Variants in PROS1 observed in about 807,000 individuals in gnomAD.
PROS1 encodes the protein protein S.
In PROS1, 29 loss-of-function variants were observed where a neutral mutation model predicts 75.9. The observed-to-expected ratio is 0.38, with a 90% CI of 0.28 to 0.52. The LOEUF is 0.52. Among genes scored for constraint, PROS1 ranks in the 20% least tolerant of loss-of-function variants. The pLI, the probability that PROS1 is intolerant of heterozygous loss-of-function variation, is 0.83. For synonymous variants in PROS1, 245 were observed against 280.6 expected (o/e 0.87, Z 1.27); for missense variants, 680 against 810.3 (o/e 0.84, Z 1.95).
chr3:93,971,666 CA>C (rs1559955532), intron 1 of PROS1, among the ~76,000 whole-genome samples: 1 of 151,224 alleles, frequency 6.6e-6, no homozygotes, highest in African/African-American at 2.4e-5. Flanking sequence ...CACACACACA[CA>C]CACATAAATT....
chr3:93,928,539 A>G (rs1709061640), intron 1 of PROS1, among the ~76,000 whole-genome samples: 1 of 151,464 alleles, frequency 6.6e-6, no homozygotes, highest in Non-Finnish European at 1.5e-5. Flanking sequence ...GTCTCAAAAA[A>G]AAAAAAAAAA....
intron 14 of PROS1, 110 bp downstream of exon 14, chr3:93,876,856 C>T: frequency 1.4e-6 from 1 of 738,982 alleles, no homozygotes; most frequent in Non-Finnish European, 2.1e-6. Context: ...ATAATGAATA[C>T]TGGATTTTAT....
intron 6 of PROS1, among the ~76,000 whole-genome samples, chr3:93,905,017 G>A (rs558550154): frequency 2.0e-5 from 3 of 152,134 alleles, no homozygotes; most frequent in African/African-American, 7.2e-5. Context: ...CAGGAAATGA[G>A]GTGCCAGATG....
intron 10 of PROS1, among the ~76,000 whole-genome samples, chr3:93,888,757 A>C (rs920884100): frequency 6.6e-6 from 1 of 152,162 alleles, no homozygotes; most frequent in African/African-American, 2.4e-5. Flanking sequence ...TCCTAACTCC[A>C]TATCCCCATA....
In PROS1 at chr3:93,882,665, C is replaced by T. The variant is rs570187631; in HGVS notation, c.1492+2063G>A. ...TTGCTGAACTCCATGTAGGGGCTGACGTAAGAGTTTAGAAGCCCTAGAAAT... is the reference window on the plus strand; with the variant it reads ...TTGCTGAACTCCATGTAGGGGCTGATGTAAGAGTTTAGAAGCCCTAGAAAT... On this transcript the variant is annotated intron_variant, in intron 12 of 14. Coordinates refer to ENST00000394236, the MANE Select transcript of PROS1 (RefSeq NM_000313.4). 1.5e-4 allele frequency among the ~76,000 whole-genome samples: 23 copies of T among 152,266 alleles called. No homozygotes were observed. The South Asian group carries it at 4.4e-3, about 29-fold the overall frequency.
rs190456855 is a variant in PROS1 at position 93,959,457 on chromosome 3, G to A, written c.76+14217C>T. Among the ~76,000 whole-genome samples the A allele has an allele frequency of 3.9e-5, 6 of 152,188 alleles. No homozygotes were observed. The East Asian group carries it at 1.2e-3, about 29-fold the overall frequency. Reference sequence around the variant, plus strand: ...CCACAAGCTGCATTCTCTTGCCATGGTGCTCAGCTTTCTTTCTCCCTTCTC... The same window carrying A: ...CCACAAGCTGCATTCTCTTGCCATGATGCTCAGCTTTCTTTCTCCCTTCTC... On this transcript the variant is annotated intron_variant, in intron 1 of 14. Transcript: ENST00000394236.
intron 1 of PROS1, among the ~76,000 whole-genome samples, chr3:93,945,102 C>G (rs1345650275): frequency 2.0e-5 from 3 of 151,900 alleles, no homozygotes; most frequent in Admixed American, 2.0e-4. Context: ...ATGCACCCTC[C>G]CAAGAAGAAG....
At chr3:93,949,666 GA>G (rs138879267) in intron 1 of PROS1, among the ~76,000 whole-genome samples, 1 of 151,906 alleles carries the variant, frequency 6.6e-6, no homozygotes, top group Non-Finnish European at 1.5e-5. Flanking sequence ...ATAAAAGAGG[GA>G]AAAAAAGACT....
chr3:93,947,721 C>G (rs1393532481), intron 1 of PROS1, among the ~76,000 whole-genome samples: 1 of 152,042 alleles, frequency 6.6e-6, no homozygotes, highest in Non-Finnish European at 1.5e-5. Context: ...CGCCTGCCAC[C>G]ACACCCGGCT....
chr3:93,889,437 C>A (rs1417309653), intron 10 of PROS1, among the ~76,000 whole-genome samples: 1 of 152,028 alleles, frequency 6.6e-6, no homozygotes, highest in African/African-American at 2.4e-5. Context: ...TAATATTAGA[C>A]TCATAATCAA....
chr3:93,935,081 A>G (rs1709162946), intron 1 of PROS1, among the ~76,000 whole-genome samples: 1 of 152,180 alleles, frequency 6.6e-6, no homozygotes, highest in Admixed American at 6.5e-5. Flanking sequence ...TATTACCCAG[A>G]AAAAAAGTTA....
At chr3:93,903,518 A>C (rs1708628980) in intron 6 of PROS1, among the ~76,000 whole-genome samples, 1 of 151,996 alleles carries the variant, frequency 6.6e-6, no homozygotes. Context: ...AAAGCTACAA[A>C]CATTAGCCAG....
chr3:93,921,835 A>G (rs1708946500), intron 3 of PROS1, among the ~76,000 whole-genome samples: 3 of 152,260 alleles, frequency 2.0e-5, no homozygotes, highest in Non-Finnish European at 2.9e-5. Context: ...CTTTTCAAAG[A>G]ATGAGAATGT....
intron 7 of PROS1, 39 bp downstream of exon 7, chr3:93,900,765 C>T (rs565872352): frequency 1.9e-6 from 3 of 1,611,288 alleles, no homozygotes; most frequent in Admixed American, 1.7e-5. Flanking sequence ...TTCACACCCA[C>T]CCTCTCCACC....
At chr3:93,927,565 A>T (rs1173416169) in intron 1 of PROS1, among the ~76,000 whole-genome samples, 158 bp from the exon 2 acceptor site, 1 of 152,138 alleles carries the variant, frequency 6.6e-6, no homozygotes, top group Non-Finnish European at 1.5e-5. Flanking sequence ...ATACAGAAGC[A>T]CGTTGGTTAA....
chr3:93,873,317 A>G lies in PROS1; in HGVS notation c.*928T>C, dbSNP rs1468820984. 6.6e-6 allele frequency: 1 copy of G among 152,186 alleles called. No homozygotes were observed. Among genetic ancestry groups the G allele is most frequent in the East Asian group, 1.9e-4 (1 of 5,198 alleles). The allele number at this position is 152,186 out of a possible 1,614,324, so 9.4% of individuals were successfully genotyped here. A position where few individuals can be genotyped will look rare whatever the true frequency, so the allele number is the denominator to read the frequency against. On this transcript the variant is annotated 3_prime_UTR_variant, in exon 15 of 15. Coordinates refer to ENST00000394236, the MANE Select transcript of PROS1 (RefSeq NM_000313.4). ...ACTTCTTTGATTACAATGATACGAT[A>G]TTCACTATATCCCTCTGTGGTTGTC...
At chr3:93,948,268 T>A (rs1709437188) in intron 1 of PROS1, among the ~76,000 whole-genome samples, 1 of 151,592 alleles carries the variant, frequency 6.6e-6, no homozygotes, top group South Asian at 2.1e-4. Flanking sequence ...TGAGAGGCTC[T>A]GCCATCCATA....
At chr3:93,962,232 G>A (rs1186107719) in intron 1 of PROS1, among the ~76,000 whole-genome samples, 1 of 151,882 alleles carries the variant, frequency 6.6e-6, no homozygotes, top group Non-Finnish European at 1.5e-5. Context: ...TTTGGAGAAA[G>A]GATTAACAAG....
At chr3:93,921,381 T>A (rs1306485353) in intron 3 of PROS1, among the ~76,000 whole-genome samples, 1 of 152,236 alleles carries the variant, frequency 6.6e-6, no homozygotes, top group Non-Finnish European at 1.5e-5. Context: ...TTTATTTGAT[T>A]TTGGAGTCAA....
Sources: allele counts gnomAD v4.1 joint callset (sites outside exome capture counted in the v4.1 genomes callset), GRCh38; gene constraint gnomAD v4.1.1; transcripts MANE v1.5; gene names NCBI Gene and HGNC (gene_info 2026-07-23, HGNC 2026-07-21).